Variants in DPY19L1 observed in about 807,000 individuals in gnomAD.
DPY19L1 encodes protein C-mannosyl-transferase DPY19L1.
In DPY19L1, 35 loss-of-function variants were observed where a neutral mutation model predicts 96.9. The ratio of observed to expected loss-of-function variants is 0.36; its 90% CI spans 0.28 to 0.48. The LOEUF (loss-of-function observed/expected upper bound fraction) is 0.48. DPY19L1 is among the 20% of genes least tolerant of loss of function. The pLI is 0.99. For missense variants in DPY19L1, 521 were observed against 777.9 expected, an observed-to-expected ratio of 0.67 and a Z score of 3.93; for synonymous variants, 205 against 252.6, an observed-to-expected ratio of 0.81 and a Z score of 1.79.
intron 7 of DPY19L1, among the ~76,000 whole-genome samples, chr7:34,985,577 T>C (rs1412096534): frequency 1.4e-5 from 2 of 145,568 alleles, no homozygotes; most frequent in African/African-American, 5.1e-5. Flanking sequence ...AAAAAAAAAA[T>C]GCTCAGCTTC....
chr7:34,988,362 G>A (rs1274521662), intron 7 of DPY19L1: 1 of 151,702 alleles, frequency 6.6e-6, no homozygotes, highest in Non-Finnish European at 1.5e-5. Context: ...CTCAGAATCT[G>A]TGGCTCAAAG....
chr7:35,036,881 G>A (rs1298676509), intron 1 of DPY19L1, among the ~76,000 whole-genome samples: 1 of 151,784 alleles, frequency 6.6e-6, no homozygotes, highest in African/African-American at 2.4e-5. Flanking sequence ...GGTGGGAAGC[G>A]TGCGAGGAGA....
intron 7 of DPY19L1, among the ~76,000 whole-genome samples, chr7:34,983,271 A>T (rs1037771788): frequency 6.6e-6 from 1 of 152,178 alleles, no homozygotes; most frequent in Admixed American, 6.5e-5. Context: ...GCAAAGTAGC[A>T]GGAAAATATG....
intron 21 of DPY19L1, among the ~76,000 whole-genome samples, chr7:34,934,120 C>T (rs1448918563): frequency 1.3e-5 from 2 of 152,032 alleles, no homozygotes; most frequent in Non-Finnish European, 2.9e-5. Flanking sequence ...CCCACCACCA[C>T]GCCCAGCTAA....
chr7:34,979,307 T>C (rs1784891748), intron 7 of DPY19L1, among the ~76,000 whole-genome samples: 3 of 152,084 alleles, frequency 2.0e-5, no homozygotes, highest in South Asian at 4.1e-4. Flanking sequence ...TAAACTACAC[T>C]GCTCAAGGTT....
At chr7:34,957,378 A>AAAAAC (rs1482264563) in intron 11 of DPY19L1, among the ~76,000 whole-genome samples, 1 of 152,044 alleles carries the variant, frequency 6.6e-6, no homozygotes, top group South Asian at 2.1e-4. Flanking sequence ...TCCACCTTAA[A>AAAAAC]AAAACAAAAC....
chr7:35,024,896 C>T (rs924819583), intron 1 of DPY19L1, among the ~76,000 whole-genome samples: 3 of 152,180 alleles, frequency 2.0e-5, no homozygotes, highest in African/African-American at 7.2e-5. Flanking sequence ...TACCTAGTAT[C>T]ATGCCTGGCA....
At chr7:34,943,375 A>C (rs1562800679) in intron 16 of DPY19L1, among the ~76,000 whole-genome samples, 1 of 152,202 alleles carries the variant, frequency 6.6e-6, no homozygotes, top group Non-Finnish European at 1.5e-5. Flanking sequence ...ATTAACTCTA[A>C]TCCTACAACC....
intron 6 of DPY19L1, among the ~76,000 whole-genome samples, chr7:34,993,858 G>C (rs1375070133): frequency 1.3e-5 from 2 of 150,942 alleles, no homozygotes; most frequent in African/African-American, 2.4e-5. Context: ...CCAGGAGTTC[G>C]ACACCAGCCT....
At chr7:34,982,897 T>C (rs1784970696) in intron 7 of DPY19L1, among the ~76,000 whole-genome samples, 1 of 152,146 alleles carries the variant, frequency 6.6e-6, no homozygotes, top group Non-Finnish European at 1.5e-5. Flanking sequence ...CACAGCTGAA[T>C]CTGGAGATGG....
At chr7:34,939,145 T>C in intron 20 of DPY19L1, 131 bp downstream of exon 20, 2 of 757,138 alleles carry the variant, frequency 2.6e-6, no homozygotes, top group Non-Finnish European at 2.0e-6. Flanking sequence ...TTCAGCTTTC[T>C]GCTCCCTGAC....
At position 35,037,365 on chromosome 7, in the gene DPY19L1, C is replaced by T; in HGVS notation, c.30G>A (p.Arg10=). Reference sequence around the variant, plus strand: ...GCTGGGGCGGCTTGGGAGCCGCCTCCCGGTGCTTGTTCCGCGCCTGCAGGA... The same window carrying T: ...GCTGGGGCGGCTTGGGAGCCGCCTCTCGGTGCTTGTTCCGCGCCTGCAGGA... MVLQARNKH[R]EAAPKPPQPP... The change falls in exon 1 of 22, where the codon CGG becomes CGA. Residue 10 remains arginine (R), a synonymous_variant. Transcript: ENST00000638088. 1 of 355,668 alleles carries T rather than the reference C, an allele frequency of 2.8e-6. No homozygotes were observed. Among genetic ancestry groups the T allele is most frequent in the East Asian group, 4.1e-5 (1 of 24,604 alleles). 22.0% of individuals were successfully genotyped at this position (355,668 alleles called of 1,614,324 possible).
At chr7:35,009,209 A>G (rs1323636602) in intron 6 of DPY19L1, among the ~76,000 whole-genome samples, 1 of 152,210 alleles carries the variant, frequency 6.6e-6, no homozygotes, top group Non-Finnish European at 1.5e-5. Flanking sequence ...AACTCAACAC[A>G]TCTTTGAGGT....
intron 11 of DPY19L1, 131 bp downstream of exon 11, chr7:34,957,853 C>T (rs1281932844): frequency 5.1e-6 from 3 of 585,304 alleles, no homozygotes; most frequent in African/African-American, 2.0e-5. Flanking sequence ...GAACACCATA[C>T]ATCTAGAATA....
At chr7:35,029,911 A>G (rs541369407) in intron 1 of DPY19L1, among the ~76,000 whole-genome samples, 1 of 152,332 alleles carries the variant, frequency 6.6e-6, no homozygotes, top group East Asian at 1.9e-4. Context: ...CTCAACTTCA[A>G]TCCCAAACTT....
chr7:34,984,470 G>A (rs1370849678), intron 7 of DPY19L1, among the ~76,000 whole-genome samples: 1 of 152,208 alleles, frequency 6.6e-6, no homozygotes, highest in Non-Finnish European at 1.5e-5. Flanking sequence ...CCTGAAGAGT[G>A]ACGTGAGACA....
rs537740468 is a variant in DPY19L1 at position 35,006,024 on chromosome 7, C to T, written c.764+4444G>A. Among the ~76,000 whole-genome samples the T allele has an allele frequency of 2.6e-5, 4 of 152,246 alleles. No homozygotes were observed. In the East Asian group the frequency reaches 5.8e-4, roughly 22 times the overall value. On this transcript the variant is annotated intron_variant, in intron 6 of 21. Coordinates refer to ENST00000638088, the MANE Select transcript of DPY19L1 (RefSeq NM_001366673.1). The stretch of plus-strand genomic sequence containing the variant: ...TCGATGATTCTCTGATTCCACCAGG[C>T]CTCTGTATCTCAGTATTGTACTCCC...
At chr7:35,013,154 A>G (rs1410843435) in intron 4 of DPY19L1, among the ~76,000 whole-genome samples, 1 of 152,218 alleles carries the variant, frequency 6.6e-6, no homozygotes, top group East Asian at 1.9e-4. Flanking sequence ...TAGTTTTGCA[A>G]GGAGGATAAA....
Position 34,991,594 on chromosome 7 carries a change from T to C in DPY19L1, c.765-1653A>G, listed in dbSNP as rs1332129968. On this transcript the variant is annotated intron_variant, in intron 6 of 21. Coordinates refer to ENST00000638088, the MANE Select transcript of DPY19L1 (RefSeq NM_001366673.1). ...AGAAAGGTTAAGATAGAGTTAACGG[T>C]TTAAAAAACAAATAAATACATTTTA... 3.9e-5 allele frequency among the ~76,000 whole-genome samples: 6 copies of C among 152,310 alleles called. No individual in the cohort carries two copies. In the East Asian group the frequency reaches 9.6e-4, roughly 24 times the overall value.
Sources: gnomAD v4.1 joint callset for allele counts (sites outside exome capture counted in the v4.1 genomes callset) on GRCh38, gnomAD v4.1.1 for gene constraint, MANE v1.5 for transcripts, NCBI Gene and HGNC (gene_info 2026-07-23, HGNC 2026-07-21) for gene names.